The following CADPS2 variants were observed in gnomAD, a reference collection of about 807,000 sequenced individuals.
CADPS2 encodes the protein calcium-dependent secretion activator 2.
CADPS2 carries 93 observed loss-of-function variants against 172.5 expected under a neutral mutation model. The observed-to-expected ratio is 0.54, with a 90% CI of 0.46 to 0.64. The LOEUF (loss-of-function observed/expected upper bound fraction) is 0.64. Ranked by LOEUF, CADPS2 falls within the 30% of genes least tolerant of loss-of-function variation. The pLI is 0.00. For missense variants in CADPS2, 1,420 were observed against 1,565.9 expected (o/e 0.91, Z 1.57); for synonymous variants, 546 against 555.2 (o/e 0.98, Z 0.23).
At position 122,320,156 on chromosome 7, in the gene CADPS2, T is replaced by C. The variant is rs977159293; in HGVS notation, c.*9A>G. On this transcript the variant is annotated 3_prime_UTR_variant, in exon 30 of 30. Coordinates refer to ENST00000449022, the MANE Select transcript of CADPS2 (RefSeq NM_017954.11). ...AAGGTCTTCCTTCCTTCTGCAAAGCTGTGTGATATCAGCCTTCTTCTTCTT... is the reference window on the plus strand; with the variant it reads ...AAGGTCTTCCTTCCTTCTGCAAAGCCGTGTGATATCAGCCTTCTTCTTCTT... The C allele has an allele frequency of 2.5e-6, 4 of 1,585,810 alleles. No homozygotes were observed. Among genetic ancestry groups the C allele is most frequent in the Non-Finnish European group, 3.4e-6 (4 of 1,166,256 alleles).
At chr7:122,826,853 A>G (rs1019800594) in intron 1 of CADPS2, among the ~76,000 whole-genome samples, 3 of 152,130 alleles carry the variant, frequency 2.0e-5, no homozygotes, top group Non-Finnish European at 4.4e-5. Context: ...AAATGTCTAC[A>G]ATAACCTAAT....
chr7:122,384,718 G>A (rs1368796500), intron 24 of CADPS2, among the ~76,000 whole-genome samples: 1 of 152,040 alleles, frequency 6.6e-6, no homozygotes, highest in Non-Finnish European at 1.5e-5. Context: ...ATTGTCTCTG[G>A]TGTGAATGTA....
chr7:122,748,386 A>C (rs1017303979), intron 1 of CADPS2, among the ~76,000 whole-genome samples: 1 of 152,254 alleles, frequency 6.6e-6, no homozygotes, highest in African/African-American at 2.4e-5. Flanking sequence ...ACCATCTGGC[A>C]TTTCATGGCA....
intron 1 of CADPS2, among the ~76,000 whole-genome samples, chr7:122,791,904 T>A (rs1278405337): frequency 4.6e-5 from 7 of 152,188 alleles, no homozygotes. Context: ...TGAAAAATCA[T>A]CAATGGTAAA....
chr7:122,795,403 A>T (rs1454099654), intron 1 of CADPS2, among the ~76,000 whole-genome samples: 1 of 152,078 alleles, frequency 6.6e-6, no homozygotes, highest in African/African-American at 2.4e-5. Context: ...CCAAGACTCA[A>T]CCAGGAAAAT....
chr7:122,742,875 G>A (rs560481864), intron 1 of CADPS2, among the ~76,000 whole-genome samples: 11 of 152,134 alleles, frequency 7.2e-5, no homozygotes, highest in Admixed American at 1.3e-4. Context: ...CCTCCAGGTC[G>A]TTTTAAAAAT....
chr7:122,400,688 T>A (rs943846318), intron 20 of CADPS2, among the ~76,000 whole-genome samples: 5 of 152,186 alleles, frequency 3.3e-5, no homozygotes, highest in Non-Finnish European at 7.3e-5. Context: ...TGCATACTTA[T>A]AAAACTAATC....
chr7:122,797,684 A>G (rs1054523479), intron 1 of CADPS2, among the ~76,000 whole-genome samples: 83 of 152,212 alleles, frequency 5.5e-4, no homozygotes, highest in African/African-American at 1.9e-3. Context: ...ATGGACACAG[A>G]CGGGAACAAC....
At chr7:122,734,015 G>C (rs568714508) in intron 2 of CADPS2, among the ~76,000 whole-genome samples, 2 of 151,878 alleles carry the variant, frequency 1.3e-5, no homozygotes, top group African/African-American at 4.8e-5. Context: ...ACAAAGCACA[G>C]GTTCAAAATT....
chr7:122,715,796 T>A (rs926829234), intron 2 of CADPS2, among the ~76,000 whole-genome samples: 10 of 151,860 alleles, frequency 6.6e-5, no homozygotes, highest in South Asian at 2.1e-4. Flanking sequence ...CTGCCCCTAG[T>A]AAGGTACTAC....
intron 11 of CADPS2, among the ~76,000 whole-genome samples, chr7:122,482,621 G>A (rs767158485): frequency 6.6e-5 from 10 of 152,152 alleles, no homozygotes; most frequent in Non-Finnish European, 1.2e-4. Context: ...GTTGGGCAAC[G>A]TGATTCCTGA....
In CADPS2 at chr7:122,819,028, AT is replaced by A. The variant is rs1488925874; in HGVS notation, c.339+66970del. ...CCCTCAAACCCCACAACAGGATTTA[AT>A]TAACCTCGCCTTCAAGGTGAACAAT... On this transcript the variant is annotated intron_variant, in intron 1 of 29. Coordinates refer to ENST00000449022, the MANE Select transcript of CADPS2 (RefSeq NM_017954.11). Among the ~76,000 whole-genome samples the A allele has an allele frequency of 2.0e-5, 3 of 152,206 alleles. No individual in the cohort carries two copies. In the East Asian group the frequency reaches 5.8e-4, roughly 29 times the overall value.
At chr7:122,451,317 A>G in intron 15 of CADPS2, 57 bp downstream of exon 15, 1 of 897,668 alleles carries the variant, frequency 1.1e-6, no homozygotes, top group Non-Finnish European at 1.6e-6. Flanking sequence ...TTTTGGGGGA[A>G]GTAAGGGTTG....
At chr7:122,796,050 A>G (rs950471832) in intron 1 of CADPS2, among the ~76,000 whole-genome samples, 1 of 152,174 alleles carries the variant, frequency 6.6e-6, no homozygotes, top group African/African-American at 2.4e-5. Flanking sequence ...AATCACTAAC[A>G]TTCCTATACA....
chr7:122,743,090 C>T (rs920336829), intron 1 of CADPS2, among the ~76,000 whole-genome samples: 9 of 152,110 alleles, frequency 5.9e-5, no homozygotes, highest in African/African-American at 2.2e-4. Context: ...CAGAAATTAT[C>T]TATCAGGAAT....
intron 8 of CADPS2, among the ~76,000 whole-genome samples, chr7:122,537,023 G>T (rs2062365865): frequency 6.6e-6 from 1 of 151,920 alleles, no homozygotes; most frequent in African/African-American, 2.4e-5. Flanking sequence ...CTTTTTTGAG[G>T]GTGGAGGATG....
At chr7:122,529,664 C>T (rs2061589431) in intron 8 of CADPS2, among the ~76,000 whole-genome samples, 2 of 152,126 alleles carry the variant, frequency 1.3e-5, no homozygotes, top group Middle Eastern at 3.4e-3. Flanking sequence ...TTGGATGGCA[C>T]CATCTAAACA....
chr7:122,706,180 C>T (rs62651332), intron 2 of CADPS2, among the ~76,000 whole-genome samples: 2,666 of 21,464 alleles, frequency 0.12, 901 homozygotes, highest in African/African-American at 0.15. Context: ...TCAAGGAATA[C>T]ATATATATGC....
intron 2 of CADPS2, among the ~76,000 whole-genome samples, chr7:122,728,360 A>G (rs1190785103): frequency 1.3e-5 from 2 of 151,926 alleles, no homozygotes; most frequent in Non-Finnish European, 2.9e-5. Flanking sequence ...GTAAATATGA[A>G]GAGTTGAGGT....
Sources: allele counts gnomAD v4.1 joint callset (sites outside exome capture counted in the v4.1 genomes callset), GRCh38; gene constraint gnomAD v4.1.1; transcripts MANE v1.5; gene names NCBI Gene and HGNC (gene_info 2026-07-23, HGNC 2026-07-21).